C7: variants seen among roughly 807,000 people sequenced by gnomAD.
The protein encoded by C7 is complement C7.
C7 carries 83 observed loss-of-function variants against 104.8 expected under a neutral mutation model. The ratio of observed to expected loss-of-function variants is 0.79; its 90% CI spans 0.66 to 0.95. C7 has a LOEUF of 0.95. Among genes scored for constraint, C7 ranks in the 40% least tolerant of loss-of-function variants. C7 has a pLI of 0.00. For synonymous variants in C7, 415 were observed against 360.6 expected, an observed-to-expected ratio of 1.15 and a Z score of -1.71; for missense variants, 1,070 against 1,011.2, an observed-to-expected ratio of 1.06 and a Z score of -0.79.
intron 13 of C7, chr5:40,964,499 C>A: frequency 3.0e-6 from 1 of 338,146 alleles, no homozygotes; most frequent in Non-Finnish European, 5.5e-6. Flanking sequence ...TAGTATAGTC[C>A]TTGGTATTTT....
Position 40,956,509 on chromosome 5 carries a change from C to T in C7, c.1260+956C>T, listed in dbSNP as rs3805214. On this transcript the variant is annotated intron_variant, in intron 10 of 17. Transcript: ENST00000313164. ...CACTGTGTGAAGCATTTTGTGTTCA[C>T]CCTGTGTTTCATGTGGACATAGTTG... Among the ~76,000 whole-genome samples the T allele has an allele frequency of 1.1e-3, 173 of 152,300 alleles. 2 individuals carry two copies. The East Asian group carries it at 0.03, about 26-fold the overall frequency.
At chr5:40,953,790 C>T (rs370825368) in intron 9 of C7, among the ~76,000 whole-genome samples, 1 of 151,946 alleles carries the variant, frequency 6.6e-6, no homozygotes, top group Non-Finnish European at 1.5e-5. Flanking sequence ...TGATGGATAT[C>T]CTAAATATCC....
chr5:40,915,355 C>T (rs1051397440), intron 1 of C7, among the ~76,000 whole-genome samples: 2 of 149,866 alleles, frequency 1.3e-5, no homozygotes, highest in Non-Finnish European at 2.9e-5. Flanking sequence ...TTGAAGTGGA[C>T]CCACTCCTCC....
At chr5:40,976,124 G>A (rs1050883771) in intron 15 of C7, among the ~76,000 whole-genome samples, 1 of 152,192 alleles carries the variant, frequency 6.6e-6, no homozygotes, top group Admixed American at 6.5e-5. Flanking sequence ...TTTTATTAAC[G>A]TAATGACCTC....
At chr5:40,913,082 C>T (rs1739244091) in intron 1 of C7, among the ~76,000 whole-genome samples, 1 of 152,146 alleles carries the variant, frequency 6.6e-6, no homozygotes, top group African/African-American at 2.4e-5. Context: ...AGTTGTTTCA[C>T]TTAATATAAT....
At chr5:40,972,803 T>G (rs1266440756) in intron 15 of C7, among the ~76,000 whole-genome samples, 1 of 152,242 alleles carries the variant, frequency 6.6e-6, no homozygotes, top group Non-Finnish European at 1.5e-5. Context: ...AAGGATAGCC[T>G]GGTGATTCTG....
chr5:40,945,875 C>T (rs1479323463), intron 7 of C7, among the ~76,000 whole-genome samples: 13 of 127,322 alleles, frequency 1.0e-4, no homozygotes, highest in East Asian at 2.3e-4. Context: ...AAAAAAAATA[C>T]ATATATATAT....
chr5:40,983,052 G>A lies in C7; in HGVS notation c.*1479G>A, dbSNP rs1432971127. The A allele has an allele frequency of 1.3e-5, 2 of 152,328 alleles. No homozygotes were observed. Among genetic ancestry groups the A allele is most frequent in the African/African-American group, 4.8e-5 (2 of 41,438 alleles). The allele number at this position is 152,328 out of a possible 1,614,324, so 9.4% of individuals were successfully genotyped here. A position where few individuals can be genotyped will look rare whatever the true frequency, so the allele number is the denominator to read the frequency against. On this transcript the variant is annotated 3_prime_UTR_variant, in exon 18 of 18. Transcript: ENST00000313164. ...CAGATCTAGCTTTTTGTATCAAAGTGTGCCCTAAGGGAAGATGCAGATATA... is the reference window on the plus strand; with the variant it reads ...CAGATCTAGCTTTTTGTATCAAAGTATGCCCTAAGGGAAGATGCAGATATA...
intron 6 of C7, among the ~76,000 whole-genome samples, chr5:40,944,057 G>A (rs1313418087): frequency 7.9e-6 from 1 of 126,928 alleles, no homozygotes; most frequent in Non-Finnish European, 1.8e-5. Flanking sequence ...TAGTATGACT[G>A]TGTAATATTG....
intron 6 of C7, among the ~76,000 whole-genome samples, chr5:40,940,748 C>T (rs1003648452): frequency 6.6e-6 from 1 of 152,052 alleles, no homozygotes; most frequent in African/African-American, 2.4e-5. Flanking sequence ...TTTACATGGA[C>T]CTATTTTCCT....
chr5:40,914,600 T>A (rs1739281271), intron 1 of C7, among the ~76,000 whole-genome samples: 1 of 152,194 alleles, frequency 6.6e-6, no homozygotes, highest in Non-Finnish European at 1.5e-5. Context: ...GTTTCAGGTC[T>A]TACATTTAAG....
intron 9 of C7, chr5:40,954,889 A>AAAAAAAG: frequency 1.4e-5 from 4 of 284,590 alleles, no homozygotes; most frequent in South Asian, 3.3e-5. Context: ...AAAAAAAAAA[A>AAAAAAAG]AAAAAAAAAA....
At chr5:40,972,234 G>A (rs1461667724) in intron 14 of C7, among the ~76,000 whole-genome samples, 169 bp from the exon 15 acceptor site, 1 of 152,158 alleles carries the variant, frequency 6.6e-6, no homozygotes, top group Non-Finnish European at 1.5e-5. Flanking sequence ...TTACGTGCCA[G>A]GCTCTGTGTG....
intron 16 of C7, among the ~76,000 whole-genome samples, chr5:40,977,665 C>T (rs1455230864): frequency 6.6e-6 from 1 of 152,174 alleles, no homozygotes; most frequent in Non-Finnish European, 1.5e-5. Flanking sequence ...CCTCGAGTCT[C>T]CTGCTAGTCA....
intron 6 of C7, 28 bp from the exon 7 acceptor site, chr5:40,945,170 A>G (rs1226153232): frequency 2.5e-5 from 32 of 1,256,782 alleles, no homozygotes; most frequent in Non-Finnish European, 3.4e-5. Context: ...TAATTTAGTC[A>G]TAGCAAAATT....
chr5:40,922,413 A>G (rs1739458773), intron 1 of C7, among the ~76,000 whole-genome samples: 1 of 125,670 alleles, frequency 8.0e-6, no homozygotes, highest in Admixed American at 8.5e-5. Context: ...AAGAACATAC[A>G]CTCGGGGCTT....
intron 5 of C7, 78 bp from the exon 6 acceptor site, chr5:40,937,474 C>CT (rs1014307907): frequency 2.2e-5 from 32 of 1,468,998 alleles, no homozygotes; most frequent in African/African-American, 1.7e-4. Context: ...CTGTAATAAA[C>CT]TTTTTTCCCC....
chr5:40,958,405 A>G, intron 11 of C7, 144 bp downstream of exon 11: 1 of 537,124 alleles, frequency 1.9e-6, no homozygotes, highest in Non-Finnish European at 3.2e-6. Context: ...TCCTACTTCC[A>G]GATTATAGCT....
intron 8 of C7, 32 bp downstream of exon 8, chr5:40,947,877 C>A (rs1579856652): frequency 1.9e-6 from 3 of 1,595,056 alleles, no homozygotes; most frequent in Admixed American, 1.7e-5. Context: ...TGTCTAAAGG[C>A]ATTTCTGGGA....
Sources: allele counts gnomAD v4.1 joint callset (sites outside exome capture counted in the v4.1 genomes callset), GRCh38; gene constraint gnomAD v4.1.1; transcripts MANE v1.5; gene names NCBI Gene and HGNC (gene_info 2026-07-23, HGNC 2026-07-21).